Variants in NLGN1 observed in about 807,000 individuals in gnomAD.
NLGN1 encodes the protein neuroligin-1.
A neutral mutation model predicts 65.5 loss-of-function variants in NLGN1; 12 were observed. The ratio of observed to expected loss-of-function variants is 0.18; its 90% confidence interval spans 0.12 to 0.30. The LOEUF is 0.30. NLGN1 is among the 10% of genes least tolerant of loss of function. The pLI, the probability that NLGN1 is intolerant of heterozygous loss-of-function variation, is 1.00. For missense variants in NLGN1, 750 were observed against 1,007.1 expected, an observed-to-expected ratio of 0.74 and a Z score of 3.46; for synonymous variants, 350 against 359.5, an observed-to-expected ratio of 0.97 and a Z score of 0.30.
intron 3 of NLGN1, among the ~76,000 whole-genome samples, chr3:173,619,363 A>G (rs1322515275): frequency 6.6e-6 from 1 of 152,148 alleles, no homozygotes; most frequent in Non-Finnish European, 1.5e-5. Flanking sequence ...TCTTGTTTTA[A>G]CGCACTTGTT....
intron 2 of NLGN1, among the ~76,000 whole-genome samples, chr3:173,524,218 G>A (rs1338468758): frequency 6.6e-6 from 1 of 151,902 alleles, no homozygotes; most frequent in African/African-American, 2.4e-5. Flanking sequence ...GAGCCACTGT[G>A]CCCGGCCTCA....
intron 4 of NLGN1, among the ~76,000 whole-genome samples, chr3:173,949,796 A>G (rs1747860233): frequency 6.6e-6 from 1 of 152,170 alleles, no homozygotes; most frequent in South Asian, 2.1e-4. Context: ...GGAGTTTAAG[A>G]TGTCAGAGGA....
At chr3:173,960,031 G>A (rs181253830) in intron 4 of NLGN1, among the ~76,000 whole-genome samples, 15 of 151,988 alleles carry the variant, frequency 9.9e-5, no homozygotes, top group Admixed American at 5.2e-4. Context: ...TATGACATTC[G>A]AAAACATTTT....
chr3:174,199,598 G>A (rs1280763418), intron 4 of NLGN1, among the ~76,000 whole-genome samples: 4 of 151,956 alleles, frequency 2.6e-5, no homozygotes, highest in South Asian at 2.1e-4. Flanking sequence ...AAATGAATAC[G>A]ATGATTAGAT....
intron 4 of NLGN1, among the ~76,000 whole-genome samples, chr3:173,825,161 A>G (rs1721092069): frequency 6.6e-6 from 1 of 152,118 alleles, no homozygotes; most frequent in Admixed American, 6.6e-5. Context: ...CATTCACTTT[A>G]TAAGAATTCA....
intron 4 of NLGN1, chr3:174,202,598 G>A (rs1734689273): frequency 6.6e-6 from 1 of 152,106 alleles, no homozygotes; most frequent in Admixed American, 6.6e-5. Context: ...TGTGCTGTGT[G>A]TATATTTTCA....
At chr3:173,662,416 A>G (rs1023648073) in intron 3 of NLGN1, among the ~76,000 whole-genome samples, 17 of 152,036 alleles carry the variant, frequency 1.1e-4, no homozygotes, top group African/African-American at 3.1e-4. Context: ...TAAGGTGTCT[A>G]TCAGTCATGA....
intron 3 of NLGN1, among the ~76,000 whole-genome samples, chr3:173,622,703 A>T (rs1297383693): frequency 6.6e-6 from 1 of 152,082 alleles, no homozygotes; most frequent in African/African-American, 2.4e-5. Context: ...ATTTCACCTT[A>T]GGTAGTTTAA....
At chr3:173,521,323 T>A (rs1734721195) in intron 2 of NLGN1, among the ~76,000 whole-genome samples, 1 of 152,194 alleles carries the variant, frequency 6.6e-6, no homozygotes. Context: ...AATGAAGATA[T>A]TTGAGACTTT....
At chr3:174,273,810 T>TTTC (rs1749961697) in intron 4 of NLGN1, among the ~76,000 whole-genome samples, 2 of 151,730 alleles carry the variant, frequency 1.3e-5, no homozygotes, top group African/African-American at 2.4e-5. Context: ...AGCACTTTCA[T>TTTC]TTCTTCAAAT....
At chr3:174,203,281 G>A (rs1391841018) in intron 4 of NLGN1, among the ~76,000 whole-genome samples, 2 of 152,242 alleles carry the variant, frequency 1.3e-5, no homozygotes, top group East Asian at 3.9e-4. Context: ...AGGATTTCCT[G>A]CAAAAAGAGA....
At chr3:173,695,356 A>G (rs1323308139) in intron 3 of NLGN1, among the ~76,000 whole-genome samples, 4 of 152,174 alleles carry the variant, frequency 2.6e-5, no homozygotes, top group African/African-American at 4.8e-5. Context: ...AATAAAAAAC[A>G]AAACATTTTT....
At chr3:173,762,573 G>T (rs1383302824) in intron 3 of NLGN1, among the ~76,000 whole-genome samples, 1 of 151,936 alleles carries the variant, frequency 6.6e-6, no homozygotes, top group Non-Finnish European at 1.5e-5. Flanking sequence ...ACTAAAAAGA[G>T]ACTGTTTTAT....
chr3:173,578,491 C>A (rs1027390508), intron 2 of NLGN1, among the ~76,000 whole-genome samples: 2 of 152,130 alleles, frequency 1.3e-5, no homozygotes, highest in African/African-American at 2.4e-5. Flanking sequence ...CTAAAAATTT[C>A]TCTTTCCATC....
intron 4 of NLGN1, among the ~76,000 whole-genome samples, chr3:174,212,816 TC>T (rs1328752329): frequency 6.6e-6 from 1 of 152,194 alleles, no homozygotes; most frequent in Admixed American, 6.5e-5. Context: ...TGAAGGGGAA[TC>T]CATTTCTTTG....
intron 4 of NLGN1, among the ~76,000 whole-genome samples, chr3:173,984,460 A>G (rs966741332): frequency 6.6e-6 from 1 of 152,198 alleles, no homozygotes; most frequent in East Asian, 1.9e-4. Flanking sequence ...AAACGCTCAT[A>G]TGGTCAAAAA....
chr3:173,888,673 G>A (rs139828081), intron 4 of NLGN1, among the ~76,000 whole-genome samples: 26 of 151,928 alleles, frequency 1.7e-4, no homozygotes, highest in African/African-American at 4.6e-4. Flanking sequence ...TTATTAATAC[G>A]AATATTTGAT....
intron 4 of NLGN1, among the ~76,000 whole-genome samples, chr3:174,079,864 T>C (rs9863464): frequency 0.22 from 32,704 of 151,774 alleles, 4,603 homozygotes; most frequent in African/African-American, 0.4. Flanking sequence ...AGAGGGGACC[T>C]ACACACACTG....
intron 4 of NLGN1, among the ~76,000 whole-genome samples, chr3:174,138,724 A>G (rs536117224): frequency 6.6e-5 from 10 of 152,214 alleles, no homozygotes; most frequent in South Asian, 6.2e-4. Flanking sequence ...GTGAGCCACC[A>G]CAAACAGCTT....
Sources: gnomAD v4.1 joint callset for allele counts (sites outside exome capture counted in the v4.1 genomes callset) on GRCh38, gnomAD v4.1.1 for gene constraint, MANE v1.5 for transcripts, NCBI Gene and HGNC (gene_info 2026-07-23, HGNC 2026-07-21) for gene names.